The following CEP128 variants were observed in gnomAD, a reference collection of about 807,000 sequenced individuals.
The protein encoded by CEP128 is centrosomal protein 128kDa.
In CEP128, 132 loss-of-function variants were observed where a neutral mutation model predicts 156.7. That is an observed-to-expected ratio of 0.84 (90% CI 0.73 to 0.97). The LOEUF (loss-of-function observed/expected upper bound fraction) is 0.97. Among genes scored for constraint, CEP128 ranks in the 50% least tolerant of loss-of-function variants. The pLI is 0.00. For synonymous variants in CEP128, 469 were observed against 448.9 expected (o/e 1.04, Z -0.57); for missense variants, 1,252 against 1,281.9 (o/e 0.98, Z 0.36).
chr14:80,880,839 G>A (rs1245416969), intron 8 of CEP128, among the ~76,000 whole-genome samples: 1 of 145,222 alleles, frequency 6.9e-6, no homozygotes, highest in Non-Finnish European at 1.5e-5. Flanking sequence ...CTCCAGCCTG[G>A]GCGACAGAGC....
intron 8 of CEP128, among the ~76,000 whole-genome samples, chr14:80,875,851 A>T (rs1286989302): frequency 6.6e-6 from 1 of 152,218 alleles, no homozygotes; most frequent in Non-Finnish European, 1.5e-5. Context: ...ACTGAAGAAC[A>T]AAAGACAGTA....
intron 11 of CEP128, among the ~76,000 whole-genome samples, chr14:80,837,513 C>T (rs1420774699): frequency 6.6e-6 from 1 of 152,082 alleles, no homozygotes; most frequent in African/African-American, 2.4e-5. Flanking sequence ...GTCAGGAGAT[C>T]GAGAACATCC....
chr14:80,661,878 T>C lies in CEP128; in HGVS notation c.2806+81197A>G, dbSNP rs770080432. ...CAAAATATGAATGCAAAGTGTCTTG[T>C]GGAGGGTGAATAAAATTGCTTAATG... On this transcript the variant is annotated intron_variant, in intron 19 of 24. Coordinates refer to ENST00000555265, the MANE Select transcript of CEP128 (RefSeq NM_152446.5). 5.4e-4 allele frequency among the ~76,000 whole-genome samples: 82 copies of C among 152,164 alleles called. 1 individual carries two copies. The highest frequency in any genetic ancestry group is 5.4e-4 in the Non-Finnish European group (37 of 68,014).
intron 19 of CEP128, among the ~76,000 whole-genome samples, chr14:80,606,733 T>C (rs1892794886): frequency 6.6e-6 from 1 of 152,056 alleles, no homozygotes; most frequent in African/African-American, 2.4e-5. Flanking sequence ...CCTCAAAGGT[T>C]CTCTCAAACA....
At chr14:80,486,574 C>T (rs1290867931), downstream of CEP128, among the ~76,000 whole-genome samples, 1 of 152,060 alleles carries the variant, frequency 6.6e-6, no homozygotes, top group Non-Finnish European at 1.5e-5. Flanking sequence ...TTGTCAGATT[C>T]ACCAAAGTTG....
intron 19 of CEP128, among the ~76,000 whole-genome samples, chr14:80,617,516 T>C (rs1177665575): frequency 6.6e-6 from 1 of 151,800 alleles, no homozygotes; most frequent in Non-Finnish European, 1.5e-5. Context: ...ATTACAGGCA[T>C]GAGCCACCGC....
At chr14:80,691,360 T>C (rs1445260965) in intron 19 of CEP128, among the ~76,000 whole-genome samples, 2 of 152,164 alleles carry the variant, frequency 1.3e-5, no homozygotes, top group East Asian at 3.9e-4. Context: ...AAGAAGAGAA[T>C]GGGTAATCCC....
At chr14:80,897,650 T>C (rs1889407403) in intron 7 of CEP128, among the ~76,000 whole-genome samples, 1 of 152,160 alleles carries the variant, frequency 6.6e-6, no homozygotes. Flanking sequence ...CCAAATCCTG[T>C]CTCTTTGATT....
intron 8 of CEP128, among the ~76,000 whole-genome samples, chr14:80,888,308 C>T (rs1425577182): frequency 2.6e-5 from 4 of 152,170 alleles, no homozygotes; most frequent in African/African-American, 9.7e-5. Context: ...GATACCAAAA[C>T]CTGGCAGAAA....
chr14:80,844,253 AT>A (rs1326380332), intron 9 of CEP128, among the ~76,000 whole-genome samples: 7 of 152,084 alleles, frequency 4.6e-5, no homozygotes, highest in Non-Finnish European at 1.0e-4. Flanking sequence ...TAATTTAAAA[AT>A]AGCTAGGTGG....
At chr14:80,719,216 A>G (rs1431268642) in intron 19 of CEP128, among the ~76,000 whole-genome samples, 1 of 152,182 alleles carries the variant, frequency 6.6e-6, no homozygotes, top group Non-Finnish European at 1.5e-5. Flanking sequence ...TGGAAGTTCT[A>G]AATAACCTGC....
downstream of CEP128, among the ~76,000 whole-genome samples, chr14:80,495,159 A>C (rs564466775): frequency 6.6e-6 from 1 of 152,226 alleles, no homozygotes; most frequent in Non-Finnish European, 1.5e-5. Flanking sequence ...GCTACAAGCA[A>C]TATGGTGGAC....
chr14:80,830,986 C>T (rs1314064586), intron 13 of CEP128, 157 bp downstream of exon 13: 5 of 644,050 alleles, frequency 7.8e-6, no homozygotes, highest in Non-Finnish European at 1.3e-5. Context: ...ATAGGAATTT[C>T]TACATATAAG....
At chr14:80,655,258 C>A (rs1289955606) in intron 19 of CEP128, among the ~76,000 whole-genome samples, 1 of 152,152 alleles carries the variant, frequency 6.6e-6, no homozygotes, top group Admixed American at 6.6e-5. Flanking sequence ...CCATCCCTAT[C>A]TATTTATATC....
At chr14:80,795,161 A>G (rs1349449569) in intron 13 of CEP128, among the ~76,000 whole-genome samples, 1 of 152,170 alleles carries the variant, frequency 6.6e-6, no homozygotes, top group Non-Finnish European at 1.5e-5. Context: ...CTAAACTTCC[A>G]GATTCTCAGA....
intron 15 of CEP128, among the ~76,000 whole-genome samples, chr14:80,784,668 C>T (rs1042196733): frequency 6.6e-6 from 1 of 152,142 alleles, no homozygotes; most frequent in Non-Finnish European, 1.5e-5. Context: ...AACAGCTAAA[C>T]GTTCTTTATA....
intron 19 of CEP128, among the ~76,000 whole-genome samples, chr14:80,716,597 A>C (rs939455803): frequency 1.7e-4 from 26 of 152,214 alleles, no homozygotes; most frequent in Admixed American, 7.2e-4. Context: ...CTTAGTGCTA[A>C]ATAATAGTCC....
At chr14:80,896,479 T>G (rs1391469108) in intron 7 of CEP128, among the ~76,000 whole-genome samples, 1 of 152,234 alleles carries the variant, frequency 6.6e-6, no homozygotes, top group Admixed American at 6.5e-5. Flanking sequence ...ATGGACTGTT[T>G]TGAAATATTT....
At position 80,716,248 on chromosome 14, in the gene CEP128, T is replaced by C. The variant is rs930778435; in HGVS notation, c.2806+26827A>G. Among the ~76,000 whole-genome samples the C allele has an allele frequency of 1.8e-4, 27 of 152,224 alleles. 1 individual carries two copies. Among genetic ancestry groups the C allele is most frequent in the African/African-American group, 6.0e-4 (25 of 41,468 alleles). On this transcript the variant is annotated intron_variant, in intron 19 of 24. Transcript: ENST00000555265. The stretch of plus-strand genomic sequence containing the variant: ...ATTCACACACCATATAATTTATCCA[T>C]TTAAAGTGTACAACCTGATGGCTTT...
Sources: allele counts gnomAD v4.1 joint callset (sites outside exome capture counted in the v4.1 genomes callset), GRCh38; gene constraint gnomAD v4.1.1; transcripts MANE v1.5; gene names NCBI Gene and HGNC (gene_info 2026-07-23, HGNC 2026-07-21).